The following DENND1B variants were observed in gnomAD, a reference collection of about 807,000 sequenced individuals.
The protein encoded by DENND1B is DENN domain-containing protein 1B.
A neutral mutation model predicts 90.1 loss-of-function variants in DENND1B; 59 were observed. The observed-to-expected ratio is 0.65, with a 90% confidence interval of 0.53 to 0.81. The LOEUF (loss-of-function observed/expected upper bound fraction) is 0.81. Ranked by LOEUF, DENND1B falls within the 40% of genes least tolerant of loss-of-function variation. The pLI, the probability that DENND1B is intolerant of heterozygous loss-of-function variation, is 0.00. For synonymous variants in DENND1B, 337 were observed against 324.6 expected (o/e 1.04, Z -0.41); for missense variants, 862 against 912.6 (o/e 0.94, Z 0.71).
At chr1:197,728,375 T>G (rs1661842903) in intron 2 of DENND1B, among the ~76,000 whole-genome samples, 1 of 152,212 alleles carries the variant, frequency 6.6e-6, no homozygotes, top group Non-Finnish European at 1.5e-5. Flanking sequence ...TATCTAAAAC[T>G]AAGTGTTTTT....
chr1:197,552,980 GTTA>G, intron 16 of DENND1B, 39 bp downstream of exon 16: 1 of 1,559,828 alleles, frequency 6.4e-7, no homozygotes. Flanking sequence ...CAAGAAAATT[GTTA>G]TTGAGAAAAT....
intron 20 of DENND1B, among the ~76,000 whole-genome samples, chr1:197,522,413 C>T (rs191026533): frequency 4.7e-4 from 71 of 152,120 alleles, no homozygotes; most frequent in South Asian, 3.5e-3. Flanking sequence ...CTGATGTGGC[C>T]GTAACACATC....
chr1:197,689,272 T>C (rs1657596523), intron 3 of DENND1B, among the ~76,000 whole-genome samples: 1 of 151,930 alleles, frequency 6.6e-6, no homozygotes, highest in Non-Finnish European at 1.5e-5. Flanking sequence ...GAGAATAAAG[T>C]GAAAGGAGAA....
chr1:197,775,111 C>A, intron 1 of DENND1B, 28 bp downstream of exon 1: 1 of 1,262,088 alleles, frequency 7.9e-7, no homozygotes, highest in Non-Finnish European at 1.0e-6. Flanking sequence ...GACGCCCGCC[C>A]CCGACGCGCC....
At chr1:197,634,262 G>A (rs76112565) in intron 10 of DENND1B, among the ~76,000 whole-genome samples, 1 of 152,028 alleles carries the variant, frequency 6.6e-6, no homozygotes, top group Admixed American at 6.6e-5. Context: ...CAATGTTATA[G>A]TTTTTAAATT....
chr1:197,694,465 C>T (rs1658228654), intron 3 of DENND1B, among the ~76,000 whole-genome samples: 1 of 151,326 alleles, frequency 6.6e-6, no homozygotes, highest in South Asian at 2.1e-4. Flanking sequence ...AAACTTTGAA[C>T]TAGAAGAGAG....
In DENND1B at chr1:197,702,598, T is replaced by C. The variant is rs181120679; in HGVS notation, c.126+12433A>G. ...GATAATTCCTCAGAATGCTAAAACATTAATTACTAAGCACAATTTGTCTAT... is the reference window on the plus strand; with the variant it reads ...GATAATTCCTCAGAATGCTAAAACACTAATTACTAAGCACAATTTGTCTAT... On this transcript the variant is annotated intron_variant, in intron 3 of 22. Transcript: ENST00000620048. 4.6e-5 allele frequency among the ~76,000 whole-genome samples: 7 copies of C among 152,330 alleles called. No homozygotes were observed. In the East Asian group the frequency reaches 1.3e-3, roughly 29 times the overall value.
intron 18 of DENND1B, among the ~76,000 whole-genome samples, chr1:197,542,678 C>T (rs548505963): frequency 1.3e-5 from 2 of 152,168 alleles, no homozygotes; most frequent in East Asian, 1.9e-4. Context: ...TTATTCATAG[C>T]AATTTGTGGT....
chr1:197,518,898 C>T (rs1163021737), intron 20 of DENND1B, among the ~76,000 whole-genome samples: 5 of 151,826 alleles, frequency 3.3e-5, no homozygotes, highest in Non-Finnish European at 5.9e-5. Flanking sequence ...TTGCTATCCT[C>T]CCAGTGGAAT....
intron 5 of DENND1B, among the ~76,000 whole-genome samples, chr1:197,667,940 C>T (rs1016627322): frequency 1.3e-5 from 2 of 151,800 alleles, no homozygotes; most frequent in East Asian, 1.9e-4. Flanking sequence ...ATGATTTTTG[C>T]TTATTGTAAA....
intron 2 of DENND1B, among the ~76,000 whole-genome samples, chr1:197,740,917 C>A (rs547919399): frequency 6.6e-6 from 1 of 152,180 alleles, no homozygotes; most frequent in East Asian, 1.9e-4. Context: ...AATTTCTGTC[C>A]TACAATTTTG....
chr1:197,641,735 T>C (rs1434503932), intron 10 of DENND1B, among the ~76,000 whole-genome samples: 1 of 152,166 alleles, frequency 6.6e-6, no homozygotes, highest in Non-Finnish European at 1.5e-5. Context: ...ACTAGCTGTT[T>C]GGCCTTGAAG....
At chr1:197,519,991 G>A (rs939343461) in intron 20 of DENND1B, among the ~76,000 whole-genome samples, 1 of 151,834 alleles carries the variant, frequency 6.6e-6, no homozygotes, top group Non-Finnish European at 1.5e-5. Flanking sequence ...CATAGATTTA[G>A]CAGGGAAGTA....
chr1:197,537,218 A>G (rs1669977698), intron 20 of DENND1B, among the ~76,000 whole-genome samples: 1 of 152,180 alleles, frequency 6.6e-6, no homozygotes, highest in African/African-American at 2.4e-5. Context: ...TTTGCATCAC[A>G]ATTCTAAACA....
intron 16 of DENND1B, among the ~76,000 whole-genome samples, chr1:197,548,344 C>G (rs1470331556): frequency 6.6e-6 from 1 of 152,108 alleles, no homozygotes; most frequent in Non-Finnish European, 1.5e-5. Flanking sequence ...GAGCTCAGGC[C>G]TACTCTATCT....
At chr1:197,676,035 A>C (rs1656030765) in intron 3 of DENND1B, among the ~76,000 whole-genome samples, 1 of 143,010 alleles carries the variant, frequency 7.0e-6, no homozygotes, top group Admixed American at 7.5e-5. Flanking sequence ...ACTCTTTAAA[A>C]TTCAACCAGC....
intron 14 of DENND1B, 51 bp downstream of exon 14, chr1:197,595,157 C>CATAAA: frequency 1.9e-6 from 3 of 1,558,324 alleles, no homozygotes; most frequent in Non-Finnish European, 2.6e-6. Flanking sequence ...TGTCTCATTC[C>CATAAA]AAAGAACCAT....
intron 15 of DENND1B, among the ~76,000 whole-genome samples, chr1:197,564,694 G>T (rs1024988982): frequency 2.0e-5 from 3 of 151,906 alleles, no homozygotes; most frequent in Non-Finnish European, 4.4e-5. Flanking sequence ...TTAAATTTTA[G>T]TGTTCTTACT....
At chr1:197,695,111 G>A (rs576009517) in intron 3 of DENND1B, among the ~76,000 whole-genome samples, 112 of 151,292 alleles carry the variant, frequency 7.4e-4, no homozygotes, top group Non-Finnish European at 1.4e-3. Flanking sequence ...AAATAAGAAT[G>A]TGATTATGTT....
Sources: allele counts gnomAD v4.1 joint callset (sites outside exome capture counted in the v4.1 genomes callset), GRCh38; gene constraint gnomAD v4.1.1; transcripts MANE v1.5; gene names NCBI Gene and HGNC (gene_info 2026-07-23, HGNC 2026-07-21).